TTC27: variants seen among roughly 807,000 people sequenced by gnomAD.
The protein encoded by TTC27 is tetratricopeptide repeat domain 27, also known as tetratricopeptide repeat protein 27.
TTC27 carries 79 observed loss-of-function variants against 115.9 expected under a neutral mutation model. The observed-to-expected ratio is 0.68, with a 90% confidence interval of 0.57 to 0.82. The LOEUF is 0.82. Ranked by LOEUF, TTC27 falls within the 40% of genes least tolerant of loss-of-function variation. The probability of loss-of-function intolerance (pLI) is 0.00; values close to 1 mark genes in which losing one functional copy is unlikely to be tolerated. For missense variants in TTC27, 1,054 were observed against 993.1 expected (o/e 1.06, Z -0.82); for synonymous variants, 401 against 356.0 (o/e 1.13, Z -1.42).
intron 18 of TTC27, among the ~76,000 whole-genome samples, chr2:32,813,796 T>G (rs536432885): frequency 2.0e-5 from 3 of 152,344 alleles, no homozygotes; most frequent in African/African-American, 7.2e-5. Flanking sequence ...ACCTAAAGGA[T>G]ATAAATATCT....
At chr2:32,801,310 T>C (rs1670926686) in intron 16 of TTC27, among the ~76,000 whole-genome samples, 1 of 152,154 alleles carries the variant, frequency 6.6e-6, no homozygotes, top group African/African-American at 2.4e-5. Context: ...GAAATCAAGG[T>C]GTTGACTTGG....
chr2:32,712,611 G>A (rs1667617923), intron 10 of TTC27, among the ~76,000 whole-genome samples: 1 of 151,710 alleles, frequency 6.6e-6, no homozygotes, highest in South Asian at 2.1e-4. Flanking sequence ...CCAGGCTGGA[G>A]TGCAATGGCA....
chr2:32,659,939 A>C (rs1016214604), intron 5 of TTC27, among the ~76,000 whole-genome samples: 1 of 151,968 alleles, frequency 6.6e-6, no homozygotes, highest in Admixed American at 6.6e-5. Flanking sequence ...GGTTGACTCC[A>C]AGTCTTTGCT....
At chr2:32,670,986 G>C (rs1665995067) in intron 7 of TTC27, among the ~76,000 whole-genome samples, 1 of 150,544 alleles carries the variant, frequency 6.6e-6, no homozygotes, top group Non-Finnish European at 1.5e-5. Context: ...CCATATTCTG[G>C]ATGCAAGTCC....
intron 13 of TTC27, among the ~76,000 whole-genome samples, chr2:32,760,329 G>A (rs1368488653): frequency 6.6e-6 from 1 of 152,214 alleles, no homozygotes; most frequent in Non-Finnish European, 1.5e-5. Context: ...TTTGTTGACA[G>A]TTTGCTCTAA....
At chr2:32,727,037 C>G (rs1009710165) in intron 10 of TTC27, among the ~76,000 whole-genome samples, 1 of 152,166 alleles carries the variant, frequency 6.6e-6, no homozygotes, top group Non-Finnish European at 1.5e-5. Context: ...TTACCTCCCA[C>G]CGGGTCCCTC....
chr2:32,653,758 G>A (rs1257483958), intron 5 of TTC27, among the ~76,000 whole-genome samples: 2 of 152,258 alleles, frequency 1.3e-5, no homozygotes, highest in Admixed American at 1.3e-4. Flanking sequence ...TTTTAGCATA[G>A]CATTTAAATA....
At chr2:32,762,276 A>AGTGTGTGTGTGTGTGT (rs10523103) in intron 13 of TTC27, among the ~76,000 whole-genome samples, 2 of 136,236 alleles carry the variant, frequency 1.5e-5, no homozygotes, top group African/African-American at 2.8e-5. Flanking sequence ...CACAGAGAGA[A>AGTGTGTGTGTGTGTGT]GTGTGTGTGT....
intron 10 of TTC27, among the ~76,000 whole-genome samples, chr2:32,727,703 G>A (rs529623015): frequency 6.6e-6 from 1 of 152,170 alleles, no homozygotes; most frequent in African/African-American, 2.4e-5. Flanking sequence ...GAGATTTGCA[G>A]AATTGTTAAG....
intron 9 of TTC27, among the ~76,000 whole-genome samples, chr2:32,698,343 A>C (rs1667063872): frequency 6.6e-6 from 1 of 151,760 alleles, no homozygotes; most frequent in Non-Finnish European, 1.5e-5. Context: ...TGCTGCCCAG[A>C]CTGATTTCAA....
chr2:32,811,305 GT>G (rs1242936057), intron 17 of TTC27, 84 bp downstream of exon 17: 13 of 1,277,004 alleles, frequency 1.0e-5, no homozygotes, highest in African/African-American at 4.5e-5. Context: ...TGGAGGAAGA[GT>G]TTAACAATCT....
At chr2:32,667,072 A>G (rs1337422911) in intron 7 of TTC27, among the ~76,000 whole-genome samples, 2 of 152,140 alleles carry the variant, frequency 1.3e-5, no homozygotes, top group Non-Finnish European at 2.9e-5. Flanking sequence ...ACCCCTCTTG[A>G]AGAAATACGA....
At chr2:32,672,443 T>C (rs1390722358) in intron 8 of TTC27, 59 bp downstream of exon 8, 2 of 1,280,990 alleles carry the variant, frequency 1.6e-6, no homozygotes, top group African/African-American at 2.9e-5. Flanking sequence ...CTCTTATGTG[T>C]GGAGAATCTT....
At chr2:32,766,491 G>C (rs759370191) in intron 13 of TTC27, 5 of 455,958 alleles carry the variant, frequency 1.1e-5, no homozygotes, top group South Asian at 8.1e-5. Flanking sequence ...CTGAGGAGAG[G>C]GAGAAGATAG....
At chr2:32,643,345 G>T (rs1044830498) in intron 4 of TTC27, among the ~76,000 whole-genome samples, 2 of 151,954 alleles carry the variant, frequency 1.3e-5, no homozygotes, top group Non-Finnish European at 2.9e-5. Flanking sequence ...TCACTCTGTT[G>T]CCCAGGCTGA....
At chr2:32,658,269 C>T (rs539934533) in intron 5 of TTC27, among the ~76,000 whole-genome samples, 3 of 152,102 alleles carry the variant, frequency 2.0e-5, no homozygotes, top group South Asian at 2.1e-4. Context: ...ACTACAGGAG[C>T]GTATTACCAT....
chr2:32,734,283 T>G (rs896734914), intron 11 of TTC27, among the ~76,000 whole-genome samples: 3 of 152,132 alleles, frequency 2.0e-5, no homozygotes, highest in African/African-American at 7.2e-5. Context: ...CATTGTGCAT[T>G]ACAGCCTTGA....
chr2:32,628,344 C>G lies in TTC27; in HGVS notation c.52C>G (p.Arg18Gly). The change falls in exon 1 of 20, where the codon CGG (arginine) becomes GGG (glycine). Residue 18 changes from arginine (R) to glycine (G), a missense_variant. Coordinates refer to ENST00000317907, the MANE Select transcript of TTC27 (RefSeq NM_017735.5). ...ILRGFPTEAERQQWKQEGVVG... is the reference protein window; with the variant it reads ...ILRGFPTEAEGQQWKQEGVVG... The stretch of plus-strand genomic sequence containing the variant: ...GAGGGGATTCCCCACTGAGGCTGAG[C>G]GGCAGCAATGGAAACAGGAGGGGGT... 2 of 1,607,358 alleles carry G rather than the reference C, an allele frequency of 1.2e-6. No individual in the cohort carries two copies. The highest frequency in any genetic ancestry group is 2.2e-5 in the South Asian group (2 of 89,168).
At chr2:32,636,763 A>G (rs1301790581) in intron 3 of TTC27, among the ~76,000 whole-genome samples, 2 of 152,250 alleles carry the variant, frequency 1.3e-5, no homozygotes, top group African/African-American at 2.4e-5. Flanking sequence ...AAATATTGCC[A>G]TTAACAAAGA....
Sources: gnomAD v4.1 joint callset for allele counts (sites outside exome capture counted in the v4.1 genomes callset) on GRCh38, gnomAD v4.1.1 for gene constraint, MANE v1.5 for transcripts, NCBI Gene and HGNC (gene_info 2026-07-23, HGNC 2026-07-21) for gene names.